CNTNAP2: variants seen among roughly 807,000 people sequenced by gnomAD.
CNTNAP2 encodes the protein contactin associated protein 2.
Under a neutral mutation model 155.2 loss-of-function variants are expected in CNTNAP2, and 98 were observed. That is an observed-to-expected ratio of 0.63 (90% CI 0.54 to 0.75). The LOEUF is 0.75. Among genes scored for constraint, CNTNAP2 ranks in the 30% least tolerant of loss-of-function variants. CNTNAP2 has a pLI of 0.00. For missense variants in CNTNAP2, 1,727 were observed against 1,688.1 expected (o/e 1.02, Z -0.40); for synonymous variants, 651 against 631.2 (o/e 1.03, Z -0.47).
At chr7:147,056,617 A>G (rs1799566171) in intron 4 of CNTNAP2, among the ~76,000 whole-genome samples, 1 of 152,204 alleles carries the variant, frequency 6.6e-6, no homozygotes, top group African/African-American at 2.4e-5. Flanking sequence ...AAAATAATGT[A>G]TACTTACTAA....
At chr7:148,141,919 T>C (rs1294834843) in intron 16 of CNTNAP2, among the ~76,000 whole-genome samples, 1 of 151,926 alleles carries the variant, frequency 6.6e-6, no homozygotes, top group African/African-American at 2.4e-5. Flanking sequence ...TCCTATGTGG[T>C]GGAATTAGAG....
At chr7:147,980,275 G>C (rs1045632018) in intron 15 of CNTNAP2, among the ~76,000 whole-genome samples, 4 of 151,092 alleles carry the variant, frequency 2.6e-5, no homozygotes, top group African/African-American at 4.9e-5. Flanking sequence ...TTTTAAAAAA[G>C]AGAAAATGAG....
chr7:146,823,579 T>A (rs1276848290), intron 2 of CNTNAP2, among the ~76,000 whole-genome samples: 2 of 148,544 alleles, frequency 1.3e-5, no homozygotes, highest in Non-Finnish European at 3.0e-5. Flanking sequence ...AAATATACCA[T>A]TCTTCAGTAT....
At chr7:146,850,952 G>T (rs571570478) in intron 3 of CNTNAP2, among the ~76,000 whole-genome samples, 4 of 151,938 alleles carry the variant, frequency 2.6e-5, no homozygotes, top group African/African-American at 9.6e-5. Context: ...GTAATATAGC[G>T]CTTGTATATA....
At chr7:146,643,766 C>G (rs1374117077) in intron 1 of CNTNAP2, among the ~76,000 whole-genome samples, 3 of 152,122 alleles carry the variant, frequency 2.0e-5, no homozygotes, top group Non-Finnish European at 4.4e-5. Context: ...TGGCCATTTT[C>G]ATGATATTGA....
chr7:146,204,208 A>G (rs1254644841), intron 1 of CNTNAP2, among the ~76,000 whole-genome samples: 4 of 152,178 alleles, frequency 2.6e-5, no homozygotes, highest in Admixed American at 6.6e-5. Flanking sequence ...ATATCTTAAG[A>G]AAAGAAATGA....
chr7:147,617,293 T>C (rs997501947), intron 12 of CNTNAP2, among the ~76,000 whole-genome samples: 14 of 152,164 alleles, frequency 9.2e-5, no homozygotes, highest in African/African-American at 2.9e-4. Context: ...GTTTCTATTT[T>C]GTAGTCTTAA....
intron 8 of CNTNAP2, among the ~76,000 whole-genome samples, chr7:147,236,813 C>T (rs114817089): frequency 2.5e-3 from 384 of 152,144 alleles, no homozygotes; most frequent in African/African-American, 8.7e-3. Flanking sequence ...CATCCAACTC[C>T]ACTTCCTAAA....
At chr7:146,937,359 A>AAAT (rs1219628943) in intron 3 of CNTNAP2, among the ~76,000 whole-genome samples, 1 of 135,376 alleles carries the variant, frequency 7.4e-6, no homozygotes. Flanking sequence ...CTCAAAAAAA[A>AAAT]AAATAAAAAT....
At chr7:148,371,663 C>T (rs915315448) in intron 21 of CNTNAP2, among the ~76,000 whole-genome samples, 35 of 152,280 alleles carry the variant, frequency 2.3e-4, no homozygotes, top group African/African-American at 6.7e-4. Flanking sequence ...CATCACTGAA[C>T]GACAGGGATA....
chr7:147,057,669 A>C (rs974611283), intron 4 of CNTNAP2, among the ~76,000 whole-genome samples: 9 of 152,176 alleles, frequency 5.9e-5, no homozygotes, highest in African/African-American at 2.2e-4. Flanking sequence ...AAAGTCTCCT[A>C]GTGGCAAAAC....
intron 1 of CNTNAP2, among the ~76,000 whole-genome samples, chr7:146,376,874 C>T (rs1795311172): frequency 6.6e-6 from 1 of 152,032 alleles, no homozygotes; most frequent in Non-Finnish European, 1.5e-5. Context: ...GCCTTTTCCA[C>T]CATGTCAGGA....
intron 21 of CNTNAP2, among the ~76,000 whole-genome samples, chr7:148,360,601 T>A (rs1798601323): frequency 6.6e-6 from 1 of 152,154 alleles, no homozygotes; most frequent in Non-Finnish European, 1.5e-5. Context: ...GGTATAAAGA[T>A]CTTAATTAGG....
At chr7:146,482,549 C>T (rs935832548) in intron 1 of CNTNAP2, among the ~76,000 whole-genome samples, 2 of 151,834 alleles carry the variant, frequency 1.3e-5, no homozygotes, top group African/African-American at 4.8e-5. Flanking sequence ...TTGAGACCAT[C>T]CTGGCCAACA....
chr7:148,287,150 C>T (rs1797097620), intron 21 of CNTNAP2, among the ~76,000 whole-genome samples: 1 of 152,200 alleles, frequency 6.6e-6, no homozygotes, highest in African/African-American at 2.4e-5. Flanking sequence ...TTGCCTTTTC[C>T]AGAATGTCAT....
intron 18 of CNTNAP2, among the ~76,000 whole-genome samples, chr7:148,200,146 G>A (rs547994103): frequency 2.2e-4 from 33 of 152,298 alleles, no homozygotes; most frequent in Non-Finnish European, 1.8e-4. Context: ...TGCCCTCATA[G>A]ACACACTCAG....
At chr7:146,144,344 C>T (rs1797926343) in intron 1 of CNTNAP2, among the ~76,000 whole-genome samples, 1 of 151,792 alleles carries the variant, frequency 6.6e-6, no homozygotes, top group African/African-American at 2.4e-5. Flanking sequence ...TAGAGAGGGG[C>T]TTTCACCACA....
intron 3 of CNTNAP2, among the ~76,000 whole-genome samples, chr7:146,971,807 C>A (rs551053391): frequency 1.3e-5 from 2 of 152,110 alleles, no homozygotes; most frequent in Non-Finnish European, 2.9e-5. Flanking sequence ...AATACCCCCA[C>A]CTGCTAATAC....
At chr7:147,998,713 C>CA (rs142229175) in intron 15 of CNTNAP2, among the ~76,000 whole-genome samples, 9,894 of 152,142 alleles carry the variant, frequency 0.065, 731 homozygotes, top group African/African-American at 0.18. Context: ...AATATGCAAA[C>CA]ATACACAGTA....
Sources: gnomAD v4.1 joint callset for allele counts (sites outside exome capture counted in the v4.1 genomes callset) on GRCh38, gnomAD v4.1.1 for gene constraint, MANE v1.5 for transcripts, NCBI Gene and HGNC (gene_info 2026-07-23, HGNC 2026-07-21) for gene names.